PAPPA2: variants seen among roughly 807,000 people sequenced by gnomAD.
PAPPA2 encodes the protein pappalysin-2.
PAPPA2 carries 86 observed loss-of-function variants against 176.4 expected under a neutral mutation model. That is an observed-to-expected ratio of 0.49 (90% CI 0.41 to 0.58). PAPPA2 has a LOEUF of 0.58. Among genes scored for constraint, PAPPA2 ranks in the 20% least tolerant of loss-of-function variants. The pLI is 0.00. For synonymous variants in PAPPA2, 809 were observed against 852.2 expected (o/e 0.95, Z 0.88); for missense variants, 2,073 against 2,256.9 (o/e 0.92, Z 1.65).
At position 176,699,361 on chromosome 1, in the gene PAPPA2, G is replaced by T; in HGVS notation, c.3008G>T (p.Cys1003Phe). 3.1e-6 allele frequency: 5 copies of T among 1,614,182 alleles called. No homozygotes were observed. The highest frequency in any genetic ancestry group is 4.2e-6 in the Non-Finnish European group (5 of 1,180,026). The change falls in exon 8 of 23, where the codon TGT becomes TTT. Residue 1003 changes from cysteine to phenylalanine, a missense_variant. Cys to Phe is a radical substitution (Grantham distance 205, BLOSUM62 -2). Around this residue, in one of 4 missense-constraint regions of PAPPA2, gnomAD observed 1,196 missense variants for 1,330.4 expected, o/e 0.90. Transcript: ENST00000367662. ...CACCTGGGCCCCTTAGACACTTTCT[G>T]TGACATCCCACTCACCATCAAACTG... ...SVHLGPLDTF[C>F]DIPLTIKLHV...
In PAPPA2 at chr1:176,834,038, A is replaced by C. The variant is rs368215224; in HGVS notation, c.5203-6135A>C. On this transcript the variant is annotated intron_variant, in intron 21 of 22. Transcript: ENST00000367662. Reference sequence around the variant, plus strand: ...ATGAAAAGGAAGGATCTGGTCATAAAGTATGCTAAGGAAATGTAGTTTGCC... The same window carrying C: ...ATGAAAAGGAAGGATCTGGTCATAACGTATGCTAAGGAAATGTAGTTTGCC... Among the ~76,000 whole-genome samples the C allele has an allele frequency of 5.9e-5, 9 of 152,324 alleles. No homozygotes were observed. The South Asian group carries it at 8.3e-4, about 14-fold the overall frequency.
In PAPPA2 at chr1:176,765,736, A is replaced by T; in HGVS notation, c.4222A>T (p.Asn1408Tyr). ...GCTGCTTGATCATGCTGATGTGGTG[A>T]ACTGTACCTCTATAGGCCCAGGTCT... ...SLLLDHADVV[N>Y]CTSIGPGLMK... is the part of the protein sequence containing the mutation. Residue 1408 changes from asparagine (N) to tyrosine (Y), a missense_variant, in exon 15 of 23, where the codon AAC becomes TAC. Transcript: ENST00000367662. The T allele has an allele frequency of 6.2e-7, 1 of 1,614,078 alleles. No homozygotes were observed. The highest frequency in any genetic ancestry group is 8.5e-7 in the Non-Finnish European group (1 of 1,180,032).
At chr1:176,590,864 G>T (rs72716828) in intron 2 of PAPPA2, among the ~76,000 whole-genome samples, 9 of 152,102 alleles carry the variant, frequency 5.9e-5, no homozygotes, top group Non-Finnish European at 1.3e-4. Flanking sequence ...ATGATATCTT[G>T]GTTCTAGTGC....
At chr1:176,504,544 A>T (rs1209170252) in intron 1 of PAPPA2, among the ~76,000 whole-genome samples, 3 of 152,118 alleles carry the variant, frequency 2.0e-5, no homozygotes, top group Non-Finnish European at 4.4e-5. Flanking sequence ...TTAAGCACAG[A>T]CTGTGTTCAG....
chr1:176,764,599 T>TC (rs1663851747), intron 14 of PAPPA2, among the ~76,000 whole-genome samples: 1 of 149,998 alleles, frequency 6.7e-6, no homozygotes, highest in Non-Finnish European at 1.5e-5. Flanking sequence ...GTGTATTCTT[T>TC]TTTTTTTTTT....
At chr1:176,511,712 G>A (rs975932663) in intron 1 of PAPPA2, among the ~76,000 whole-genome samples, 1 of 152,106 alleles carries the variant, frequency 6.6e-6, no homozygotes, top group Non-Finnish European at 1.5e-5. Context: ...AAAACAAAAA[G>A]GCAGAGGAAG....
At position 176,817,331 on chromosome 1, in the gene PAPPA2, G is replaced by A. The variant is rs562935934; in HGVS notation, c.5202+17199G>A. 1.5e-4 allele frequency among the ~76,000 whole-genome samples: 23 copies of A among 152,280 alleles called. No individual in the cohort carries two copies. In the East Asian group the frequency reaches 4.1e-3, roughly 27 times the overall value. ...GAACCACTAGAGGATGGAGCATGTG[G>A]AAAACTGGAGTCTGCAGAGAGTCTT... On this transcript the variant is annotated intron_variant, in intron 21 of 22. Transcript: ENST00000367662.
chr1:176,692,988 C>A (rs578072006), intron 6 of PAPPA2, among the ~76,000 whole-genome samples: 4 of 152,294 alleles, frequency 2.6e-5, no homozygotes, highest in African/African-American at 7.2e-5. Flanking sequence ...AGCATTACAC[C>A]TAAAACTAAC....
intron 1 of PAPPA2, among the ~76,000 whole-genome samples, chr1:176,544,272 T>C (rs2102570753): frequency 6.6e-6 from 1 of 152,338 alleles, no homozygotes; most frequent in East Asian, 1.9e-4. Context: ...TGTCAACGCT[T>C]GCATACATAA....
intron 2 of PAPPA2, among the ~76,000 whole-genome samples, chr1:176,564,960 G>A (rs1410071596): frequency 6.6e-6 from 1 of 151,808 alleles, no homozygotes; most frequent in Non-Finnish European, 1.5e-5. Context: ...ATCCACCATA[G>A]CCATAGCCAT....
chr1:176,473,510 G>A (rs960130891), intron 1 of PAPPA2, among the ~76,000 whole-genome samples: 1 of 152,192 alleles, frequency 6.6e-6, no homozygotes. Context: ...CCATTTTTGT[G>A]TAGATGTAAG....
chr1:176,584,394 C>A (rs1165400749), intron 2 of PAPPA2, among the ~76,000 whole-genome samples: 1 of 148,580 alleles, frequency 6.7e-6, no homozygotes, highest in Non-Finnish European at 1.5e-5. Flanking sequence ...TTATATAATG[C>A]ATTTTTGTTT....
At chr1:176,483,241 A>G (rs941184707) in intron 1 of PAPPA2, among the ~76,000 whole-genome samples, 4 of 152,040 alleles carry the variant, frequency 2.6e-5, no homozygotes, top group East Asian at 1.9e-4. Flanking sequence ...TCAGCGCCCA[A>G]TCAGAAGCGA....
At chr1:176,705,598 C>A (rs891308356) in intron 9 of PAPPA2, among the ~76,000 whole-genome samples, 30 of 152,182 alleles carry the variant, frequency 2.0e-4, no homozygotes, top group African/African-American at 7.0e-4. Flanking sequence ...GAGCATCAAC[C>A]CAAACTTATT....
rs940924690 is a variant in PAPPA2 at position 176,842,715 on chromosome 1, A to T, written c.*261A>T. The T allele has an allele frequency of 1.5e-5, 7 of 465,570 alleles. No homozygotes were observed. The Admixed American group carries it at 2.6e-4, about 17-fold the overall frequency. The allele number at this position is 465,570 out of a possible 1,614,324, so 28.8% of individuals were successfully genotyped here. ...ACATGGAAGGGGAAATATGATAGATATATAAGGACCCTCCTCCCTCACTTA... is the reference window on the plus strand; with the variant it reads ...ACATGGAAGGGGAAATATGATAGATTTATAAGGACCCTCCTCCCTCACTTA... On this transcript the variant is annotated 3_prime_UTR_variant, in exon 23 of 23. Transcript: ENST00000367662.
intron 17 of PAPPA2, among the ~76,000 whole-genome samples, chr1:176,775,049 T>A (rs759219027): frequency 3.3e-5 from 5 of 152,178 alleles, no homozygotes; most frequent in Non-Finnish European, 5.9e-5. Flanking sequence ...GCAGGTATGA[T>A]GTTGTCCAGG....
At chr1:176,629,485 A>T (rs893006587) in intron 3 of PAPPA2, among the ~76,000 whole-genome samples, 2 of 152,118 alleles carry the variant, frequency 1.3e-5, no homozygotes, top group African/African-American at 4.8e-5. Context: ...AGAGCCTCAG[A>T]TATCAATATT....
At chr1:176,554,264 G>A (rs1035821122) in intron 1 of PAPPA2, among the ~76,000 whole-genome samples, 1 of 152,220 alleles carries the variant, frequency 6.6e-6, no homozygotes, top group African/African-American at 2.4e-5. Context: ...TTACTCCAGA[G>A]TATGTGGACT....
Position 176,594,406 on chromosome 1 carries a change from C to T in PAPPA2, c.920-118C>T, listed in dbSNP as rs189585316. The T allele has an allele frequency of 8.0e-3, 6,884 of 860,700 alleles. 43 individuals carry two copies. Among genetic ancestry groups the T allele is most frequent in the Middle Eastern group, 0.015 (47 of 3,174 alleles). 53.3% of individuals were successfully genotyped at this position (860,700 alleles called of 1,614,324 possible). ...TCAGGTGAGAAATCTGTGTCGCTTA[C>T]TTTATTCCCCATTAAAAACCTGCAT... On this transcript the variant is annotated intron_variant, in intron 2 of 22. Transcript: ENST00000367662.
Sources: gnomAD v4.1 joint callset for allele counts (sites outside exome capture counted in the v4.1 genomes callset) on GRCh38, gnomAD v4.1.1 for gene constraint, gnomAD v4.1.1 regional missense constraint, MANE v1.5 for transcripts, NCBI Gene and HGNC (gene_info 2026-07-23, HGNC 2026-07-21) for gene names.